The following CDC42SE2 variants were observed in gnomAD, a reference collection of about 807,000 sequenced individuals.
CDC42SE2 encodes the protein CDC42 small effector protein 2.
In CDC42SE2, 3 loss-of-function variants were observed where a neutral mutation model predicts 11.5. That is an observed-to-expected ratio of 0.26 (90% confidence interval 0.12 to 0.67). The LOEUF is 0.67. Among genes scored for constraint, CDC42SE2 ranks in the 30% least tolerant of loss-of-function variants. The pLI is 0.80. For synonymous variants in CDC42SE2, 33 were observed against 34.8 expected (o/e 0.95, Z 0.18); for missense variants, 82 against 106.8 (o/e 0.77, Z 1.02).
chr5:131,359,667 G>T (rs1445170601), intron 3 of CDC42SE2, 120 bp downstream of exon 3: 3 of 765,710 alleles, frequency 3.9e-6, no homozygotes, highest in Admixed American at 1.9e-5. Context: ...ATACCACAGA[G>T]AATAGTTCAG....
intron 2 of CDC42SE2, among the ~76,000 whole-genome samples, chr5:131,322,461 C>G (rs1225328231): frequency 1.3e-5 from 2 of 152,074 alleles, no homozygotes; most frequent in African/African-American, 4.8e-5. Flanking sequence ...GTATAGTGTT[C>G]GTAAGGCTCA....
chr5:131,384,118 A>G (rs1403480047), intron 3 of CDC42SE2, among the ~76,000 whole-genome samples: 2 of 152,254 alleles, frequency 1.3e-5, no homozygotes, highest in African/African-American at 2.4e-5. Flanking sequence ...GGAAAACCCA[A>G]CAAACTTGGA....
chr5:131,361,542 G>A (rs1379652384), intron 3 of CDC42SE2, among the ~76,000 whole-genome samples: 3 of 152,168 alleles, frequency 2.0e-5, no homozygotes, highest in African/African-American at 4.8e-5. Flanking sequence ...GCCAGAAGGC[G>A]TGTGTTACAG....
At chr5:131,210,614 G>C in the CDC42SE2 span, among the ~76,000 whole-genome samples, 1 of 152,118 alleles carries the variant, frequency 6.6e-6, no homozygotes, top group Non-Finnish European at 1.5e-5. Flanking sequence ...TCATTTTGCT[G>C]CTGAAAAGTC....
At chr5:131,342,386 G>GTTTTTTTTTT (rs1304028910) in intron 2 of CDC42SE2, among the ~76,000 whole-genome samples, 2 of 114,846 alleles carry the variant, frequency 1.7e-5, no homozygotes, top group African/African-American at 1.2e-4. Context: ...ATTTTTAATA[G>GTTTTTTTTTT]TCTTTTTTTT....
chr5:131,295,360 G>A (rs1009671320), intron 1 of CDC42SE2, among the ~76,000 whole-genome samples: 82 of 152,050 alleles, frequency 5.4e-4, no homozygotes, highest in African/African-American at 1.9e-3. Flanking sequence ...ATAAAGATAA[G>A]TATTGGCAGT....
At chr5:131,243,573 G>A (rs1050927040), upstream of CDC42SE2, among the ~76,000 whole-genome samples, 5 of 152,222 alleles carry the variant, frequency 3.3e-5, no homozygotes, top group Non-Finnish European at 7.4e-5. Flanking sequence ...GTGACAGAGC[G>A]AGACTCCGTC....
At chr5:131,381,378 C>T (rs912789538) in intron 3 of CDC42SE2, among the ~76,000 whole-genome samples, 6 of 151,778 alleles carry the variant, frequency 4.0e-5, no homozygotes, top group Non-Finnish European at 8.8e-5. Flanking sequence ...GGCCTGAGTG[C>T]AATGGCTCGA....
intron 3 of CDC42SE2, among the ~76,000 whole-genome samples, chr5:131,361,267 T>G (rs1439165788): frequency 1.3e-5 from 2 of 152,132 alleles, no homozygotes; most frequent in Non-Finnish European, 2.9e-5. Context: ...AGACACAGAT[T>G]AGGTATTTAA....
chr5:131,214,226 A>T, the CDC42SE2 span, among the ~76,000 whole-genome samples: 1 of 152,176 alleles, frequency 6.6e-6, no homozygotes, highest in Non-Finnish European at 1.5e-5. Flanking sequence ...TGTCAGTTGG[A>T]GATCAGTGTG....
chr5:131,393,855 G>A lies in CDC42SE2; in HGVS notation c.*2764G>A, dbSNP rs1750761080. On this transcript the variant is annotated 3_prime_UTR_variant, in exon 5 of 5. Coordinates refer to ENST00000505065, the MANE Select transcript of CDC42SE2 (RefSeq NM_001375635.1). ...TTTTTTTTTTTTTTGCTGCTCCAAC[G>A]ACCAGCATGTGTTGGAGCAGATCTC... 1 of 110,256 alleles carries A rather than the reference G, an allele frequency of 9.1e-6. No homozygotes were observed. The highest frequency in any genetic ancestry group is 1.4e-4 in the Admixed American group (1 of 7,318). 6.8% of individuals were successfully genotyped at this position (110,256 alleles called of 1,614,324 possible).
chr5:131,359,394 G>T lies in CDC42SE2; in HGVS notation c.-100G>T. On this transcript the variant is annotated 5_prime_UTR_variant, in exon 3 of 5. Transcript: ENST00000505065. The stretch of plus-strand genomic sequence containing the variant: ...CGGTGAAATAATAAAATTTCATCTT[G>T]GCATCACTGGACATCATCGTATTGA... 1.2e-6 allele frequency: 1 copy of T among 843,610 alleles called. No homozygotes were observed. The highest frequency in any genetic ancestry group is 1.3e-5 in the South Asian group (1 of 74,504). 52.3% of individuals were successfully genotyped at this position (843,610 alleles called of 1,614,324 possible). A position where few individuals can be genotyped will look rare whatever the true frequency, so the allele number is the denominator to read the frequency against.
intron 1 of CDC42SE2, among the ~76,000 whole-genome samples, chr5:131,268,754 C>CTTTTTTT (rs11370516): frequency 3.1e-5 from 3 of 96,878 alleles, no homozygotes; most frequent in African/African-American, 4.3e-5. Flanking sequence ...ACCCGGATTG[C>CTTTTTTT]TTTTTTTTTT....
chr5:131,378,143 C>G (rs929606397), intron 3 of CDC42SE2, among the ~76,000 whole-genome samples: 3 of 152,090 alleles, frequency 2.0e-5, no homozygotes, highest in East Asian at 3.8e-4. Context: ...AGCCTCAACT[C>G]GGAATGTTTA....
At chr5:131,331,589 C>T (rs1758420528) in intron 2 of CDC42SE2, among the ~76,000 whole-genome samples, 2 of 152,092 alleles carry the variant, frequency 1.3e-5, no homozygotes, top group Non-Finnish European at 2.9e-5. Context: ...TTTTCCACAT[C>T]ATGGCTTTAT....
rs573093358 is a variant in CDC42SE2 at position 131,271,408 on chromosome 5, A to G, written c.-455+7242A>G. Among the ~76,000 whole-genome samples the G allele has an allele frequency of 1.1e-3, 167 of 152,334 alleles. 1 individual carries two copies. The highest frequency in any genetic ancestry group is 5.2e-4 in the Admixed American group (8 of 15,292). On this transcript the variant is annotated intron_variant, in intron 1 of 4. Transcript: ENST00000505065. The stretch of plus-strand genomic sequence containing the variant: ...GTATTTAAAAAGAAAAAACAGAACA[A>G]AAAGGGTAAAAAGCTACAGTATAAC...
chr5:131,226,586 A>C, the CDC42SE2 span, among the ~76,000 whole-genome samples: 1 of 152,206 alleles, frequency 6.6e-6, no homozygotes, highest in Non-Finnish European at 1.5e-5. Flanking sequence ...ATTACAGAAC[A>C]CTGGCTTTAA....
At chr5:131,292,906 C>CAAAAAAA (rs869300653) in intron 1 of CDC42SE2, among the ~76,000 whole-genome samples, 18 of 58,890 alleles carry the variant, frequency 3.1e-4, no homozygotes, top group African/African-American at 1.7e-3. Context: ...GACCCTGTCT[C>CAAAAAAA]AAAAAAAAAA....
chr5:131,225,355 A>T, the CDC42SE2 span, among the ~76,000 whole-genome samples: 1 of 152,238 alleles, frequency 6.6e-6, no homozygotes, highest in Non-Finnish European at 1.5e-5. Context: ...CCAGGGAGTT[A>T]TAGGGACATT....
Sources: gnomAD v4.1 joint callset for allele counts (sites outside exome capture counted in the v4.1 genomes callset) on GRCh38, gnomAD v4.1.1 for gene constraint, MANE v1.5 for transcripts, NCBI Gene and HGNC (gene_info 2026-07-23, HGNC 2026-07-21) for gene names.